The following EYS variants were observed in gnomAD, a reference collection of about 807,000 sequenced individuals.
EYS encodes the protein protein eyes shut homolog.
EYS carries 250 observed loss-of-function variants against 282.1 expected under a neutral mutation model. The ratio of observed to expected loss-of-function variants is 0.89; its 90% CI spans 0.80 to 0.98. The LOEUF (loss-of-function observed/expected upper bound fraction) is 0.98, where lower values mean the gene tolerates loss of function less well. Ranked by LOEUF, EYS falls within the 50% of genes least tolerant of loss-of-function variation. The probability of loss-of-function intolerance (pLI) is 0.00; values close to 1 mark genes in which losing one functional copy is unlikely to be tolerated. For missense variants in EYS, 4,016 were observed against 3,709.0 expected (o/e 1.08, Z -2.15); for synonymous variants, 1,355 against 1,282.9 (o/e 1.06, Z -1.20).
chr6:64,190,754 T>C (rs1416443503), intron 31 of EYS, among the ~76,000 whole-genome samples: 1 of 152,130 alleles, frequency 6.6e-6, no homozygotes, highest in Admixed American at 6.5e-5. Context: ...GGTAGGATCA[T>C]AAGGTAAGAA....
rs555817850 is a variant in EYS at position 64,901,219 on chromosome 6, A to T, written c.2846+894T>A. Among the ~76,000 whole-genome samples, 20 of 150,084 alleles carry T rather than the reference A, an allele frequency of 1.3e-4. No individual in the cohort carries two copies. In the East Asian group the frequency reaches 2.6e-3, roughly 19 times the overall value. ...AACACATGGACACAGGGAGGGGAACATCACATACTGGGGCCTGTCAGGGGT... is the reference window on the plus strand; with the variant it reads ...AACACATGGACACAGGGAGGGGAACTTCACATACTGGGGCCTGTCAGGGGT... On this transcript the variant is annotated intron_variant, in intron 18 of 42. Coordinates refer to ENST00000503581, the MANE Select transcript of EYS (RefSeq NM_001142800.2).
At chr6:64,963,970 A>C (rs1770013374) in intron 14 of EYS, among the ~76,000 whole-genome samples, 1 of 152,108 alleles carries the variant, frequency 6.6e-6, no homozygotes, top group South Asian at 2.1e-4. Flanking sequence ...TGAATACACT[A>C]CCTACTTTTA....
chr6:64,952,963 T>G (rs1769564078), intron 14 of EYS, among the ~76,000 whole-genome samples: 1 of 151,974 alleles, frequency 6.6e-6, no homozygotes. Flanking sequence ...TATAATGATA[T>G]TCATTGGTAC....
At chr6:64,200,636 T>C (rs1464819044) in intron 31 of EYS, among the ~76,000 whole-genome samples, 2 of 151,382 alleles carry the variant, frequency 1.3e-5, no homozygotes, top group African/African-American at 4.8e-5. Flanking sequence ...TTCCTGGAGG[T>C]ATTTTGATGT....
At chr6:63,819,390 G>A (rs936314381) in intron 36 of EYS, among the ~76,000 whole-genome samples, 3 of 152,200 alleles carry the variant, frequency 2.0e-5, no homozygotes, top group African/African-American at 7.2e-5. Flanking sequence ...AATGAGTGGA[G>A]CTCAGAGTCA....
intron 35 of EYS, among the ~76,000 whole-genome samples, chr6:63,973,997 C>T (rs544467302): frequency 6.6e-6 from 1 of 152,226 alleles, no homozygotes; most frequent in South Asian, 2.1e-4. Context: ...TTGTTTACTA[C>T]TCAACCAAAA....
chr6:63,951,187 C>T (rs994638253), intron 35 of EYS, among the ~76,000 whole-genome samples: 7 of 152,112 alleles, frequency 4.6e-5, no homozygotes, highest in African/African-American at 1.4e-4. Context: ...CCTGTGTTTT[C>T]AAGAACTTAA....
chr6:64,209,601 T>C (rs1247079652), intron 31 of EYS, among the ~76,000 whole-genome samples: 1 of 152,240 alleles, frequency 6.6e-6, no homozygotes, highest in African/African-American at 2.4e-5. Context: ...CTTGATTATA[T>C]TCTTTCTGCA....
intron 19 of EYS, among the ~76,000 whole-genome samples, chr6:64,872,325 T>C (rs16895900): frequency 0.015 from 2,299 of 152,154 alleles, 55 homozygotes; most frequent in African/African-American, 0.053. Flanking sequence ...TAAATTATCT[T>C]GCCCAACAAA....
chr6:64,833,756 A>G (rs1317105449), intron 19 of EYS, among the ~76,000 whole-genome samples: 1 of 151,940 alleles, frequency 6.6e-6, no homozygotes, highest in East Asian at 1.9e-4. Context: ...AGGAAAGTAC[A>G]TGATAAGCAC....
chr6:64,038,038 T>G (rs1770204165), intron 33 of EYS, among the ~76,000 whole-genome samples: 1 of 152,156 alleles, frequency 6.6e-6, no homozygotes, highest in South Asian at 2.1e-4. Flanking sequence ...TTTTTCTGAT[T>G]AGTGGTCATT....
At chr6:63,796,291 T>C (rs1373608559) in intron 37 of EYS, among the ~76,000 whole-genome samples, 8 of 152,144 alleles carry the variant, frequency 5.3e-5, no homozygotes, top group Admixed American at 3.9e-4. Context: ...GTTCTTTACA[T>C]AAGGGTTCAC....
chr6:64,252,730 T>A (rs949604895), intron 30 of EYS, among the ~76,000 whole-genome samples: 4 of 152,174 alleles, frequency 2.6e-5, no homozygotes, highest in Non-Finnish European at 5.9e-5. Context: ...ACTTAGAAGA[T>A]AGTTGTTTAA....
intron 36 of EYS, among the ~76,000 whole-genome samples, chr6:63,827,179 G>A (rs915498720): frequency 2.6e-5 from 4 of 152,106 alleles, no homozygotes; most frequent in Non-Finnish European, 4.4e-5. Context: ...AGACAAAGAA[G>A]GACAGTATAT....
At chr6:65,637,877 G>A (rs1212062920) in intron 2 of EYS, among the ~76,000 whole-genome samples, 1 of 152,192 alleles carries the variant, frequency 6.6e-6, no homozygotes, top group Non-Finnish European at 1.5e-5. Flanking sequence ...AACACAAACA[G>A]CCTGGGCACT....
At chr6:64,924,088 C>T (rs1046032705) in intron 15 of EYS, among the ~76,000 whole-genome samples, 6 of 152,176 alleles carry the variant, frequency 3.9e-5, no homozygotes, top group Non-Finnish European at 5.9e-5. Context: ...TCCATGAGGA[C>T]CCCGCCCCTT....
rs910944785 is a variant in EYS at position 63,992,413 on chromosome 6, G to A, written c.6834+6662C>T. Among the ~76,000 whole-genome samples the A allele has an allele frequency of 3.3e-5, 5 of 151,508 alleles. 1 individual carries two copies. In the South Asian group the frequency reaches 8.3e-4, roughly 25 times the overall value. On this transcript the variant is annotated intron_variant, in intron 34 of 42. Transcript: ENST00000503581. ...AACTTTAGGAATTTAGAAATTAAGG[G>A]CAAAAGTATAAAATAACTATAATTA...
intron 31 of EYS, among the ~76,000 whole-genome samples, chr6:64,193,684 T>C (rs981561096): frequency 2.6e-5 from 4 of 152,152 alleles, no homozygotes; most frequent in East Asian, 3.9e-4. Flanking sequence ...TGGTGTGTGA[T>C]GTTCCCCACC....
At chr6:64,741,751 G>A (rs1772378759) in intron 22 of EYS, among the ~76,000 whole-genome samples, 1 of 152,140 alleles carries the variant, frequency 6.6e-6, no homozygotes, top group Non-Finnish European at 1.5e-5. Flanking sequence ...AACCACTGCT[G>A]GCTTCAGATT....
Sources: allele counts gnomAD v4.1 joint callset (sites outside exome capture counted in the v4.1 genomes callset), GRCh38; gene constraint gnomAD v4.1.1; transcripts MANE v1.5; gene names NCBI Gene and HGNC (gene_info 2026-07-23, HGNC 2026-07-21).